FGF17: variants seen among roughly 807,000 people sequenced by gnomAD.
The protein encoded by FGF17 is fibroblast growth factor 17.
Under a neutral mutation model 23.5 loss-of-function variants are expected in FGF17, and 5 were observed. The observed-to-expected ratio is 0.21, with a 90% CI of 0.11 to 0.45. The LOEUF is 0.45. Among genes scored for constraint, FGF17 ranks in the 20% least tolerant of loss-of-function variants. The pLI, the probability that FGF17 is intolerant of heterozygous loss-of-function variation, is 0.99. For missense variants in FGF17, 221 were observed against 306.9 expected, an observed-to-expected ratio of 0.72 and a Z score of 2.09; for synonymous variants, 136 against 123.0, an observed-to-expected ratio of 1.11 and a Z score of -0.70.
At chr8:22,045,496 T>C in intron 2 of FGF17, 4 of 989,352 alleles carry the variant, frequency 4.0e-6, no homozygotes, top group Non-Finnish European at 4.8e-6. Flanking sequence ...GGGAAGAAGA[T>C]GGGTATGAGC....
intron 2 of FGF17, chr8:22,045,839 C>G: frequency 7.3e-7 from 1 of 1,362,260 alleles, no homozygotes; most frequent in South Asian, 1.5e-5. Flanking sequence ...CTCCTTCCAG[C>G]TCCCAGAGTC....
Position 22,046,488 on chromosome 8 carries a change from C to A in FGF17, c.251-39C>A, listed in dbSNP as rs1042864834. Reference sequence around the variant, plus strand: ...CCTGCTGTAGCCATAGGCCGGCAGCCCCGATGGACGGAGGTCTTTCTCCCC... The same window carrying A: ...CCTGCTGTAGCCATAGGCCGGCAGCACCGATGGACGGAGGTCTTTCTCCCC... On this transcript the variant is annotated intron_variant, in intron 3 of 4. Transcript: ENST00000359441. The A allele has an allele frequency of 5.2e-6, 8 of 1,550,850 alleles. No individual in the cohort carries two copies. In the Admixed American group the frequency reaches 6.9e-5, roughly 13 times the overall value.
Position 22,048,116 on chromosome 8 carries a change from A to G in FGF17, c.518A>G (p.His173Arg). The G allele has an allele frequency of 1.9e-6, 3 of 1,613,362 alleles. No homozygotes were observed. Among genetic ancestry groups the G allele is most frequent in the Non-Finnish European group, 2.5e-6 (3 of 1,179,834 alleles). Residue 173 changes from histidine to arginine, a missense_variant, in exon 5 of 5, where the codon CAC becomes CGC. His to Arg is a conservative substitution (Grantham distance 29, BLOSUM62 0). Around this residue, in one of 3 missense-constraint regions of FGF17, gnomAD observed 128 missense variants for 150.4 expected, o/e 0.85. Transcript: ENST00000359441. This position sits in a 1 kb window ranked among gnomAD's most constrained non-coding sequence, Gnocchi z 6.9. The stretch of plus-strand genomic sequence containing the variant: ...AGCCGCCAGAACCAGCGCGAGGCCC[A>G]CTTCATCAAGCGCCTCTACCAAGGC... ...SRSRQNQREA[H>R]FIKRLYQGQL...
chr8:22,044,198 G>A (rs1800804632), intron 2 of FGF17, among the ~76,000 whole-genome samples: 1 of 152,084 alleles, frequency 6.6e-6, no homozygotes, highest in Non-Finnish European at 1.5e-5. Flanking sequence ...GGGCGTTTAT[G>A]GCCTGGCTGA....
At chr8:22,042,469 G>C (rs868699454), upstream of FGF17, 1 of 213,056 alleles carries the variant, frequency 4.7e-6, no homozygotes, top group South Asian at 8.7e-5. Context: ...CCTGAGTGCA[G>C]GAGACGCAGA....
intron 2 of FGF17, 36 bp downstream of exon 2, chr8:22,043,217 T>C: frequency 6.2e-7 from 1 of 1,609,336 alleles, no homozygotes; most frequent in Non-Finnish European, 8.5e-7. Flanking sequence ...CCCCCAATTT[T>C]TCCACCCTAC....
At chr8:22,043,039 C>A (rs1286791951) in intron 1 of FGF17, 76 bp downstream of exon 1, 1 of 1,600,830 alleles carries the variant, frequency 6.2e-7, no homozygotes, top group African/African-American at 1.3e-5. Flanking sequence ...TCCCGGGACT[C>A]CCACGCGTGC....
chr8:22,041,353 C>T (rs1179319884), upstream of FGF17, among the ~76,000 whole-genome samples: 2 of 152,140 alleles, frequency 1.3e-5, no homozygotes, highest in African/African-American at 2.4e-5. Context: ...AGAAGGGACC[C>T]ACAGGTGAGA....
upstream of FGF17, among the ~76,000 whole-genome samples, chr8:22,039,724 G>A (rs185647926): frequency 1.7e-4 from 26 of 152,170 alleles, no homozygotes; most frequent in Middle Eastern, 3.4e-3. Flanking sequence ...ATGAAACTCC[G>A]TCTCAAAAAA....
chr8:22,042,874 A>G lies in FGF17; in HGVS notation c.-55A>G. The stretch of plus-strand genomic sequence containing the variant: ...GACTCTACCCCTGGGGACTTCCCAC[A>G]TCTGCTCCTGAGCTTGGGGGCAGGG... On this transcript the variant is annotated 5_prime_UTR_variant, in exon 1 of 5. Transcript: ENST00000359441. 6.2e-7 allele frequency: 1 copy of G among 1,604,538 alleles called. No homozygotes were observed. The highest frequency in any genetic ancestry group is 8.5e-7 in the Non-Finnish European group (1 of 1,173,500).
chr8:22,042,647 C>T (rs1249681274), upstream of FGF17: 4 of 595,304 alleles, frequency 6.7e-6, no homozygotes, highest in African/African-American at 5.6e-5. Flanking sequence ...GACTGGCAGC[C>T]CAGAGGGCAC....
intron 4 of FGF17, among the ~76,000 whole-genome samples, chr8:22,047,634 A>G (rs969487513): frequency 4.6e-5 from 7 of 152,200 alleles, no homozygotes; most frequent in Admixed American, 1.3e-4. Context: ...CCTAGGCTGC[A>G]TGAGCATTTC....
At chr8:22,046,692 A>T (rs1800876835) in intron 4 of FGF17, 59 bp downstream of exon 4, 2 of 1,184,644 alleles carry the variant, frequency 1.7e-6, no homozygotes, top group Admixed American at 3.5e-5. Context: ...GGGGACATAT[A>T]GGGCATCATG....
chr8:22,043,048 G>A (rs1487227128), intron 1 of FGF17, 85 bp downstream of exon 1: 10 of 1,601,546 alleles, frequency 6.2e-6, no homozygotes, highest in Admixed American at 1.7e-5. Flanking sequence ...TCCCACGCGT[G>A]CGTGCACGGG....
At position 22,048,294 on chromosome 8, in the gene FGF17, C is replaced by A; in HGVS notation, c.*45C>A. ...CAGCCCCTGGGCCGCCTCCCCACCC[C>A]TTTCCCTTCTTAATCCAAGGACTGG... On this transcript the variant is annotated 3_prime_UTR_variant, in exon 5 of 5. Coordinates refer to ENST00000359441, the MANE Select transcript of FGF17 (RefSeq NM_003867.4). This position sits in a 1 kb window ranked among gnomAD's most constrained non-coding sequence, Gnocchi z 6.9. 6.8e-7 allele frequency: 1 copy of A among 1,463,292 alleles called. No individual in the cohort carries two copies. The highest frequency in any genetic ancestry group is 9.3e-7 in the Non-Finnish European group (1 of 1,080,784). The allele number at this position is 1,463,292 out of a possible 1,614,324, so 90.6% of individuals were successfully genotyped here.
At position 22,043,127 on chromosome 8, in the gene FGF17, C is replaced by A; in HGVS notation, c.36-18C>A. On this transcript the variant is annotated intron_variant, in intron 1 of 4. Coordinates refer to ENST00000359441, the MANE Select transcript of FGF17 (RefSeq NM_003867.4). The stretch of plus-strand genomic sequence containing the variant: ...CAGCTGGCACCCACACCTGGGCTTA[C>A]CTCCTCTCCCCACACAGGTGCTTAC... 6.2e-7 allele frequency: 1 copy of A among 1,613,686 alleles called. No homozygotes were observed. Among genetic ancestry groups the A allele is most frequent in the Non-Finnish European group, 8.5e-7 (1 of 1,179,930 alleles).
chr8:22,043,241 G>A, intron 2 of FGF17, 60 bp downstream of exon 2: 3 of 1,560,844 alleles, frequency 1.9e-6, no homozygotes, highest in Admixed American at 1.7e-5. Flanking sequence ...ACCAGGGCGG[G>A]TGCAAGGGAC....
At chr8:22,043,661 T>C (rs2129654487) in intron 2 of FGF17, among the ~76,000 whole-genome samples, 1 of 152,218 alleles carries the variant, frequency 6.6e-6, no homozygotes. Flanking sequence ...AGGTGACTCC[T>C]CACCTAGAGG....
chr8:22,043,314 G>T (rs1585533223), intron 2 of FGF17, 133 bp downstream of exon 2: 1 of 870,436 alleles, frequency 1.1e-6, no homozygotes, highest in Non-Finnish European at 1.9e-6. Context: ...AGGCACTGAG[G>T]TTTGGAGGGG....
Sources: allele counts gnomAD v4.1 joint callset (sites outside exome capture counted in the v4.1 genomes callset), GRCh38; gene constraint gnomAD v4.1.1; regional missense constraint gnomAD v4.1.1; non-coding constraint Gnocchi (gnomAD v3.1); transcripts MANE v1.5; gene names NCBI Gene and HGNC (gene_info 2026-07-23, HGNC 2026-07-21).